The following RMST variants were observed in gnomAD, a reference collection of about 807,000 sequenced individuals.
RMST encodes the protein rhabdomyosarcoma 2 associated transcript, also known as long intergenic non-protein coding RNA 54.
chr12:97,469,862 C>T (rs2136385257), intron 5 of RMST, among the ~76,000 whole-genome samples: 1 of 152,200 alleles, frequency 6.6e-6, no homozygotes, highest in Non-Finnish European at 1.5e-5. Context: ...TTTTCTTCTG[C>T]ATTCAGGAAT....
At chr12:97,522,436 T>C (rs1236927669) in intron 10 of RMST, among the ~76,000 whole-genome samples, 1 of 152,202 alleles carries the variant, frequency 6.6e-6, no homozygotes, top group Non-Finnish European at 1.5e-5. Context: ...GGTTGAGATA[T>C]AGTTTCTAGC....
At chr12:97,482,906 C>T (rs1456893449) in intron 5 of RMST, among the ~76,000 whole-genome samples, 1 of 150,600 alleles carries the variant, frequency 6.6e-6, no homozygotes, top group Non-Finnish European at 1.5e-5. Flanking sequence ...TGCCAAGCAC[C>T]ACCCAAGATT....
At chr12:97,473,934 T>C (rs909234983) in intron 5 of RMST, among the ~76,000 whole-genome samples, 1 of 152,140 alleles carries the variant, frequency 6.6e-6, no homozygotes, top group Non-Finnish European at 1.5e-5. Context: ...ATTATTCTCT[T>C]CTTTTCTCTG....
intron 5 of RMST, among the ~76,000 whole-genome samples, chr12:97,467,370 A>G (rs1359684765): frequency 6.6e-6 from 1 of 152,056 alleles, no homozygotes; most frequent in East Asian, 1.9e-4. Context: ...ATGTAAGTCA[A>G]AATGAAATCC....
chr12:97,468,373 G>T (rs117608796), intron 5 of RMST, among the ~76,000 whole-genome samples: 10 of 152,060 alleles, frequency 6.6e-5, no homozygotes, highest in Admixed American at 5.2e-4. Flanking sequence ...GACTCGTTAC[G>T]TCCCTGAATC....
chr12:97,492,284 C>A (rs1232110148), intron 5 of RMST, among the ~76,000 whole-genome samples: 2 of 152,134 alleles, frequency 1.3e-5, no homozygotes, highest in Non-Finnish European at 1.5e-5. Context: ...CTAAACCTGC[C>A]AGAGTGTAAC....
At chr12:97,520,711 T>C (rs977724172) in intron 10 of RMST, among the ~76,000 whole-genome samples, 1 of 152,242 alleles carries the variant, frequency 6.6e-6, no homozygotes, top group Non-Finnish European at 1.5e-5. Flanking sequence ...ATTAGGTTCC[T>C]ATGAGTGTGT....
intron 10 of RMST, among the ~76,000 whole-genome samples, chr12:97,520,371 C>T (rs1300640616): frequency 3.9e-5 from 6 of 152,144 alleles, no homozygotes; most frequent in African/African-American, 1.4e-4. Context: ...GCAGACAGGG[C>T]TCTGAGCCTC....
intron 5 of RMST, among the ~76,000 whole-genome samples, chr12:97,482,264 G>T (rs1488338876): frequency 6.6e-6 from 1 of 152,140 alleles, no homozygotes; most frequent in East Asian, 1.9e-4. Context: ...TGGAGAATAT[G>T]AGGTCTATTA....
chr12:97,492,730 G>A (rs1222872211), intron 6 of RMST: 1 of 152,132 alleles, frequency 6.6e-6, no homozygotes, highest in African/African-American at 2.4e-5. Flanking sequence ...GCTATAAAAT[G>A]CACCCCAAAT....
chr12:97,552,113 T>C (rs909744891), intron 11 of RMST: 1 of 152,208 alleles, frequency 6.6e-6, no homozygotes, highest in Non-Finnish European at 1.5e-5. Flanking sequence ...GCTGTAAATA[T>C]TGTATTTTAA....
intron 5 of RMST, among the ~76,000 whole-genome samples, chr12:97,478,462 A>T (rs888597865): frequency 1.3e-5 from 2 of 152,222 alleles, no homozygotes; most frequent in African/African-American, 4.8e-5. Context: ...GACTTGTTTA[A>T]GGTCACACAG....
At chr12:97,542,945 CA>C (rs1441729159) in intron 11 of RMST, among the ~76,000 whole-genome samples, 1 of 151,896 alleles carries the variant, frequency 6.6e-6, no homozygotes, top group Non-Finnish European at 1.5e-5. Context: ...CCACAGTGTT[CA>C]CTTGAGGTCT....
chr12:97,501,915 G>A (rs983688293), intron 10 of RMST, among the ~76,000 whole-genome samples: 36 of 152,128 alleles, frequency 2.4e-4, no homozygotes, highest in Non-Finnish European at 4.9e-4. Flanking sequence ...AGTTTATCTT[G>A]TTTCCTGGCC....
At chr12:97,504,403 CAAAAAAAAA>C (rs5800313) in intron 10 of RMST, among the ~76,000 whole-genome samples, 1 of 56,598 alleles carries the variant, frequency 1.8e-5, no homozygotes, top group African/African-American at 5.6e-5. Context: ...GACTTCATTT[CAAAAAAAAA>C]AAAAAAAAAA....
At chr12:97,517,796 G>A (rs1295634966) in intron 10 of RMST, among the ~76,000 whole-genome samples, 2 of 151,708 alleles carry the variant, frequency 1.3e-5, no homozygotes, top group Non-Finnish European at 2.9e-5. Context: ...TTATCATCAT[G>A]GGCTTCTGTA....
intron 10 of RMST, among the ~76,000 whole-genome samples, chr12:97,505,408 T>C (rs993467498): frequency 6.6e-6 from 1 of 152,220 alleles, no homozygotes; most frequent in African/African-American, 2.4e-5. Context: ...ATCTCTTGCA[T>C]GGTAGCACAC....
chr12:97,482,329 G>A (rs1424787147), intron 5 of RMST, among the ~76,000 whole-genome samples: 2 of 152,120 alleles, frequency 1.3e-5, no homozygotes, highest in African/African-American at 2.4e-5. Context: ...AATACCTAAA[G>A]AGAAGAGTGT....
chr12:97,505,441 A>G (rs1270385580), intron 10 of RMST, among the ~76,000 whole-genome samples: 1 of 152,244 alleles, frequency 6.6e-6, no homozygotes, highest in African/African-American at 2.4e-5. Context: ...GGTTCTGACA[A>G]CAAAGACTGA....
Sources: gnomAD v4.1 joint callset for allele counts (sites outside exome capture counted in the v4.1 genomes callset) on GRCh38, gnomAD v4.1.1 for gene constraint, MANE v1.5 for transcripts, NCBI Gene and HGNC (gene_info 2026-07-23, HGNC 2026-07-21) for gene names.